Variants in ZFHX3 observed in about 807,000 individuals in gnomAD.
ZFHX3 encodes zinc finger homeobox 3, also known as zinc finger homeobox protein 3.
ZFHX3 carries 42 observed loss-of-function variants against 279.1 expected under a neutral mutation model. The ratio of observed to expected loss-of-function variants is 0.15; its 90% CI spans 0.12 to 0.19. The LOEUF is 0.19. Among genes scored for constraint, ZFHX3 ranks in the 10% least tolerant of loss-of-function variants. The pLI is 1.00. For synonymous variants in ZFHX3, 2,293 were observed against 1,957.8 expected (o/e 1.17, Z -4.52); for missense variants, 4,981 against 4,754.0 (o/e 1.05, Z -1.40).
At chr16:73,325,848 A>C (rs554024925) in intron 3 of ZFHX3, among the ~76,000 whole-genome samples, 73 of 151,898 alleles carry the variant, frequency 4.8e-4, no homozygotes, top group Non-Finnish European at 6.3e-4. Context: ...CAGCATATAC[A>C]GAAATGCATG....
chr16:72,787,758 G>A lies in ZFHX3; in HGVS notation c.10518C>T (p.Thr3506=), dbSNP rs777910747. 10 of 1,426,036 alleles carry A rather than the reference G, an allele frequency of 7.0e-6. No homozygotes were observed. Among genetic ancestry groups the A allele is most frequent in the South Asian group, 3.9e-5 (2 of 51,194 alleles). 88.3% of individuals were successfully genotyped at this position (1,426,036 alleles called of 1,614,324 possible). ...NLQEMVLHVP[T]GGGGGGSGGG... is the part of the protein sequence containing the mutation. The stretch of plus-strand genomic sequence containing the variant: ...CGCCACTGCCACCGCCGCCGCCGCC[G>A]GTGGGGACGTGAAGCACCATCTCTT... The change falls in exon 10 of 10, where the codon ACC becomes ACT. Residue 3506 remains threonine (T), a synonymous_variant. Coordinates refer to ENST00000268489, the MANE Select transcript of ZFHX3 (RefSeq NM_006885.4).
rs1159154966 is a variant in ZFHX3, at chr16:73,416,814, C to T, written c.-1291+39189G>A. Among the ~76,000 whole-genome samples the T allele has an allele frequency of 5.4e-5, 8 of 148,890 alleles. No homozygotes were observed. In the South Asian group the frequency reaches 8.7e-4, roughly 16 times the overall value. On this transcript the variant is annotated intron_variant, in intron 3 of 17. Transcript: ENST00000641206. Reference sequence around the variant, plus strand: ...GCGTGAACTCGGGAGGCGGAGCCTGCAGTGAGCCGAGATCGCGCCACTGCA... The same window carrying T: ...GCGTGAACTCGGGAGGCGGAGCCTGTAGTGAGCCGAGATCGCGCCACTGCA...
intron 3 of ZFHX3, among the ~76,000 whole-genome samples, chr16:73,439,227 T>G (rs60982039): frequency 0.028 from 4,238 of 152,078 alleles, 182 homozygotes; most frequent in African/African-American, 0.094. Context: ...GGCAGAAGGG[T>G]GATGCTGACC....
At chr16:73,667,054 C>A (rs747905017) in intron 2 of ZFHX3, among the ~76,000 whole-genome samples, 9 of 151,906 alleles carry the variant, frequency 5.9e-5, no homozygotes, top group Non-Finnish European at 1.2e-4. Context: ...TGCAGTGGCA[C>A]CATCTCGGCT....
intron 2 of ZFHX3, among the ~76,000 whole-genome samples, chr16:73,491,323 C>T (rs568511804): frequency 6.6e-6 from 1 of 152,310 alleles, no homozygotes; most frequent in Non-Finnish European, 1.5e-5. Flanking sequence ...GTCACTTTCT[C>T]TCTCCCTATC....
intron 4 of ZFHX3, among the ~76,000 whole-genome samples, chr16:73,308,277 ATTTATT>A (rs1390535560): frequency 7.8e-5 from 3 of 38,324 alleles, no homozygotes; most frequent in East Asian, 9.5e-4. Flanking sequence ...ATATATATAT[ATTTATT>A]TATTTATTTT....
At chr16:73,147,534 T>C (rs1489153523) in intron 5 of ZFHX3, among the ~76,000 whole-genome samples, 2 of 149,782 alleles carry the variant, frequency 1.3e-5, no homozygotes, top group East Asian at 2.0e-4. Context: ...CTACTAAAAA[T>C]ACAAAAAATT....
At chr16:73,510,362 T>C (rs1212462405) in intron 2 of ZFHX3, among the ~76,000 whole-genome samples, 2 of 152,140 alleles carry the variant, frequency 1.3e-5, no homozygotes, top group African/African-American at 2.4e-5. Flanking sequence ...TAAAAGGGCT[T>C]AATATATTTG....
chr16:73,189,351 C>T lies in ZFHX3; in HGVS notation c.-1103-45520G>A, dbSNP rs9929190. On this transcript the variant is annotated intron_variant, in intron 5 of 17. Transcript: ENST00000641206. ...TCACGTGATCATTGTTCACTGGGGT[C>T]GGCAGATGCCACTGTCATTGCTTCC... Among the ~76,000 whole-genome samples, 1,206 of 152,276 alleles carry T rather than the reference C, an allele frequency of 7.9e-3. 18 individuals are homozygous for T. Among genetic ancestry groups the T allele is most frequent in the African/African-American group, 0.028 (1,152 of 41,550 alleles).
chr16:73,034,515 C>T (rs1043043340), intron 1 of ZFHX3, among the ~76,000 whole-genome samples: 4 of 152,202 alleles, frequency 2.6e-5, no homozygotes, highest in African/African-American at 7.2e-5. Flanking sequence ...AAAACCACAC[C>T]AATTACCTAC....
At chr16:73,787,855 A>AAG (rs148741157) in intron 1 of ZFHX3, among the ~76,000 whole-genome samples, 1,157 of 110,734 alleles carry the variant, frequency 0.01, 10 homozygotes, top group African/African-American at 0.017. Flanking sequence ...GTGTGTGTGA[A>AAG]AGAGAGAGAG....
intron 1 of ZFHX3, among the ~76,000 whole-genome samples, chr16:73,040,886 G>A (rs373155665): frequency 9.2e-5 from 14 of 152,180 alleles, no homozygotes; most frequent in African/African-American, 3.1e-4. Flanking sequence ...TTTTACAGAC[G>A]AAAGAAGTGA....
At position 73,239,362 on chromosome 16, in the gene ZFHX3, G is replaced by A. The variant is rs146466330; in HGVS notation, c.-1104+17685C>T. ...GTGGTAGAAACTTTGGAGTTAATTA[G>A]AAGCTCTGGCTAAGGCCGAACTTCC... On this transcript the variant is annotated intron_variant, in intron 5 of 17. Coordinates refer to the ZFHX3 transcript ENST00000641206. 2.9e-3 allele frequency among the ~76,000 whole-genome samples: 439 copies of A among 152,326 alleles called. 1 individual carries two copies. Among genetic ancestry groups the A allele is most frequent in the African/African-American group, 9.0e-3 (376 of 41,574 alleles).
intron 4 of ZFHX3, among the ~76,000 whole-genome samples, chr16:73,299,231 T>C (rs555439890): frequency 1.9e-4 from 29 of 152,244 alleles, no homozygotes; most frequent in African/African-American, 6.5e-4. Flanking sequence ...CAGCCAGATA[T>C]TGAAATAAGT....
At chr16:73,457,941 G>C (rs2018402019) in intron 2 of ZFHX3, among the ~76,000 whole-genome samples, 1 of 152,156 alleles carries the variant, frequency 6.6e-6, no homozygotes, top group Non-Finnish European at 1.5e-5. Flanking sequence ...GGAGACACTA[G>C]CTAGCTAAAT....
intron 1 of ZFHX3, among the ~76,000 whole-genome samples, chr16:73,871,515 T>A (rs113982544): frequency 0.042 from 6,170 of 147,374 alleles, 371 homozygotes; most frequent in African/African-American, 0.14. Context: ...AGAGAGAGAG[T>A]GTGTGTGCTT....
chr16:73,844,955 G>T (rs1278751016), intron 1 of ZFHX3, among the ~76,000 whole-genome samples: 1 of 152,024 alleles, frequency 6.6e-6, no homozygotes, highest in Admixed American at 6.6e-5. Context: ...CCCACACTCT[G>T]CTGCTCTAAT....
intron 1 of ZFHX3, among the ~76,000 whole-genome samples, chr16:73,019,369 CGT>C (rs970890958): frequency 2.4e-5 from 3 of 127,006 alleles, no homozygotes; most frequent in African/African-American, 9.0e-5. Context: ...TGTGTGTGTG[CGT>C]GTGCGTGTGC....
chr16:73,684,765 A>C (rs1036885176), intron 1 of ZFHX3, among the ~76,000 whole-genome samples: 48 of 144,566 alleles, frequency 3.3e-4, no homozygotes, highest in Admixed American at 2.0e-3. Flanking sequence ...CAGTGGCATG[A>C]TCTCAGCTTA....
Sources: gnomAD v4.1 joint callset for allele counts (sites outside exome capture counted in the v4.1 genomes callset) on GRCh38, gnomAD v4.1.1 for gene constraint, MANE v1.5 for transcripts, NCBI Gene and HGNC (gene_info 2026-07-23, HGNC 2026-07-21) for gene names.